Variants in SLC25A43 observed in about 807,000 individuals in gnomAD.
SLC25A43 encodes solute carrier family 25, member 43.
In SLC25A43, 10 loss-of-function variants were observed where a neutral mutation model predicts 22.8. That is an observed-to-expected ratio of 0.44 (90% CI 0.27 to 0.74). The LOEUF (loss-of-function observed/expected upper bound fraction) is 0.74, where lower values mean the gene tolerates loss of function less well. Ranked by LOEUF, SLC25A43 falls within the 30% of genes least tolerant of loss-of-function variation. The pLI, the probability that SLC25A43 is intolerant of heterozygous loss-of-function variation, is 0.17. For missense variants in SLC25A43, 233 were observed against 279.1 expected (o/e 0.83, Z 1.18); for synonymous variants, 106 against 121.6 (o/e 0.87, Z 0.84).
At chrX:119,445,521 G>T (rs952909854) in intron 3 of SLC25A43, among the ~76,000 whole-genome samples, 1 of 111,409 alleles carries the variant, frequency 9.0e-6, no homozygotes, top group Admixed American at 9.6e-5. Context: ...GGCTGTTAGG[G>T]GCAGCATAAG....
chrX:119,430,387 AT>A (rs2052542484), intron 3 of SLC25A43, among the ~76,000 whole-genome samples: 1 of 112,365 alleles, frequency 8.9e-6, no homozygotes, highest in African/African-American at 3.2e-5. Flanking sequence ...TTATTACCCC[AT>A]TTTACAGATG....
intron 3 of SLC25A43, among the ~76,000 whole-genome samples, chrX:119,430,841 T>C (rs1476083955): frequency 8.9e-6 from 1 of 112,149 alleles, no homozygotes; most frequent in Non-Finnish European, 1.9e-5. Flanking sequence ...CTTTGTGTTC[T>C]GGACACCCAC....
At chrX:119,432,784 T>TAA (rs35181029) in intron 3 of SLC25A43, among the ~76,000 whole-genome samples, 10,851 of 71,094 alleles carry the variant, frequency 0.15, 780 homozygotes, top group Non-Finnish European at 0.18. Context: ...CGAGATTCCA[T>TAA]AAAAAAAAAA....
chrX:119,418,972 A>G (rs888738416), intron 3 of SLC25A43, among the ~76,000 whole-genome samples: 1 of 112,717 alleles, frequency 8.9e-6, no homozygotes, highest in Non-Finnish European at 1.9e-5. Context: ...GTATTGAGAG[A>G]ACAAGTAGGA....
intron 1 of SLC25A43, among the ~76,000 whole-genome samples, chrX:119,406,046 G>A (rs2147253993): frequency 9.0e-6 from 1 of 110,623 alleles, no homozygotes; most frequent in East Asian, 2.8e-4. Flanking sequence ...AAAAAAAAAC[G>A]TAATTACTGA....
intron 3 of SLC25A43, among the ~76,000 whole-genome samples, chrX:119,416,577 C>T (rs1195356456): frequency 8.9e-6 from 1 of 112,628 alleles, no homozygotes; most frequent in African/African-American, 3.2e-5. Context: ...TTCTTTTCAA[C>T]ATTTCCTTGA....
Position 119,453,592 on chromosome X carries a change from T to C in SLC25A43, c.*527T>C, listed in dbSNP as rs1448270035. On this transcript the variant is annotated 3_prime_UTR_variant, in exon 5 of 5. Coordinates refer to ENST00000217909, the MANE Select transcript of SLC25A43 (RefSeq NM_145305.3). ...CTCTGTCACCCAGACTGGAGTACAA[T>C]GACACAATCATAGCTCACTGCAGCC... 8.4e-6 allele frequency: 1 copy of C among 119,539 alleles called. No homozygotes were observed. Among genetic ancestry groups the C allele is most frequent in the Non-Finnish European group, 1.7e-5 (1 of 58,145 alleles). The allele number at this position is 119,539 out of a possible 1,213,427, so 9.9% of individuals were successfully genotyped here.
At chrX:119,409,313 TGA>T (rs1267961119) in intron 2 of SLC25A43, among the ~76,000 whole-genome samples, 1 of 109,104 alleles carries the variant, frequency 9.2e-6, no homozygotes, top group Admixed American at 9.9e-5. Context: ...CCCAAGTAGC[TGA>T]GATTACAGGC....
At chrX:119,443,362 T>G (rs2052637754) in intron 3 of SLC25A43, among the ~76,000 whole-genome samples, 1 of 111,093 alleles carries the variant, frequency 9.0e-6, no homozygotes, top group Admixed American at 9.6e-5. Flanking sequence ...TCAGGTGATC[T>G]ACTTCCCTTG....
intron 2 of SLC25A43, among the ~76,000 whole-genome samples, chrX:119,408,699 G>A (rs1264577222): frequency 8.9e-6 from 1 of 111,751 alleles, no homozygotes; most frequent in Non-Finnish European, 1.9e-5. Flanking sequence ...TTCATTTTGA[G>A]GGAGAAATTT....
intron 3 of SLC25A43, among the ~76,000 whole-genome samples, chrX:119,443,396 C>T (rs1413956657): frequency 9.2e-6 from 1 of 108,935 alleles, no homozygotes; most frequent in African/African-American, 3.3e-5. Context: ...CTAGAATTAA[C>T]AGGTGTGAGC....
At chrX:119,444,741 A>G (rs1262289883) in intron 3 of SLC25A43, among the ~76,000 whole-genome samples, 1 of 102,083 alleles carries the variant, frequency 9.8e-6, no homozygotes, top group Non-Finnish European at 2.0e-5. Context: ...AGCTCAGAGA[A>G]GTTAAGGAAC....
intron 3 of SLC25A43, 58 bp from the exon 4 acceptor site, chrX:119,451,951 T>G: frequency 8.3e-7 from 1 of 1,205,631 alleles, no homozygotes; most frequent in Non-Finnish European, 1.1e-6. Context: ...CTCCTTCCAC[T>G]AGGACATTTA....
At chrX:119,405,044 G>T (rs769296263) in intron 1 of SLC25A43, among the ~76,000 whole-genome samples, 5 of 111,055 alleles carry the variant, frequency 4.5e-5, no homozygotes, top group African/African-American at 1.6e-4. Context: ...GGCAGGAGAA[G>T]GTCAAAGAGA....
chrX:119,427,609 AT>A (rs1194048775), intron 3 of SLC25A43, among the ~76,000 whole-genome samples: 2 of 110,349 alleles, frequency 1.8e-5, no homozygotes, highest in African/African-American at 3.3e-5. Flanking sequence ...TATGACTGGC[AT>A]TTTTTTTTGT....
At position 119,406,525 on chromosome X, in the gene SLC25A43, G is replaced by T. The variant is rs757536288; in HGVS notation, c.341G>T (p.Ser114Ile). Residue 114 changes from serine to isoleucine, a missense_variant, in exon 2 of 5, where the codon AGT becomes ATT. Physicochemically the swap from Ser to Ile is moderately radical, Grantham distance 142 (BLOSUM62 -2). Coordinates refer to ENST00000217909, the MANE Select transcript of SLC25A43 (RefSeq NM_145305.3). Reference sequence around the variant, plus strand: ...CAGTGGAGCTCCATCATGGCTGGGAGTCTCGCAGGCATGGTTTCCACCATT... The same window carrying T: ...CAGTGGAGCTCCATCATGGCTGGGATTCTCGCAGGCATGGTTTCCACCATT... Reference protein sequence around the residue: ...ISQWSSIMAGSLAGMVSTIVT... With the variant: ...ISQWSSIMAGILAGMVSTIVT... The T allele has an allele frequency of 1.7e-6, 2 of 1,211,358 alleles. No individual in the cohort carries two copies. The highest frequency in any genetic ancestry group is 5.9e-5 in the East Asian group (2 of 33,833).
chrX:119,412,937 T>C (rs778041990), intron 3 of SLC25A43, among the ~76,000 whole-genome samples: 88 of 110,195 alleles, frequency 8.0e-4, no homozygotes, highest in African/African-American at 2.8e-3. Context: ...CTTAGCAACA[T>C]AGCGAGACCT....
At position 119,399,697 on chromosome X, in the gene SLC25A43, C is replaced by G; in HGVS notation, c.275+19C>G. On this transcript the variant is annotated intron_variant, in intron 1 of 4. Coordinates refer to ENST00000217909, the MANE Select transcript of SLC25A43 (RefSeq NM_145305.3). The stretch of plus-strand genomic sequence containing the variant: ...ACCGCAAGTAAGAGCCGGGCGGGGC[C>G]GGGGAACCGGGAGACCGGACGGGGG... The G allele has an allele frequency of 7.1e-6, 5 of 701,171 alleles. No individual in the cohort carries two copies. The highest frequency in any genetic ancestry group is 7.1e-6 in the Non-Finnish European group (4 of 565,744). 57.8% of individuals were successfully genotyped at this position (701,171 alleles called of 1,213,427 possible).
chrX:119,406,375 T>A, intron 1 of SLC25A43, 85 bp from the exon 2 acceptor site: 1 of 1,090,566 alleles, frequency 9.2e-7, no homozygotes, highest in Non-Finnish European at 1.2e-6. Context: ...TTTGAAATGC[T>A]GGAAAATATT....
Sources: allele counts gnomAD v4.1 joint callset (sites outside exome capture counted in the v4.1 genomes callset), GRCh38; gene constraint gnomAD v4.1.1; transcripts MANE v1.5; gene names NCBI Gene and HGNC (gene_info 2026-07-23, HGNC 2026-07-21).